The following IGF2R variants were observed in gnomAD, a reference collection of about 807,000 sequenced individuals.
IGF2R encodes the protein insulin like growth factor 2 receptor, also known as cation-independent mannose-6-phosphate receptor.
IGF2R carries 91 observed loss-of-function variants against 270.6 expected under a neutral mutation model. That is an observed-to-expected ratio of 0.34 (90% CI 0.28 to 0.40). IGF2R has a LOEUF of 0.40. Ranked by LOEUF, IGF2R falls within the 10% of genes least tolerant of loss-of-function variation. IGF2R has a pLI of 1.00. For missense variants in IGF2R, 2,805 were observed against 3,188.3 expected (o/e 0.88, Z 2.90); for synonymous variants, 1,316 against 1,258.9 (o/e 1.05, Z -0.96).
intron 18 of IGF2R, among the ~76,000 whole-genome samples, chr6:160,048,755 G>C (rs1778127712): frequency 6.6e-6 from 1 of 152,252 alleles, no homozygotes; most frequent in Non-Finnish European, 1.5e-5. Context: ...GGAGAATGCT[G>C]TGTTGCAGAC....
chr6:160,080,464 A>G (rs976816467), intron 39 of IGF2R, among the ~76,000 whole-genome samples, 189 bp downstream of exon 39: 3 of 152,164 alleles, frequency 2.0e-5, no homozygotes, highest in Admixed American at 6.5e-5. Flanking sequence ...GGGTAACCGT[A>G]TCTACAGACC....
At chr6:160,062,766 G>T in intron 26 of IGF2R, 147 bp downstream of exon 26, 1 of 560,470 alleles carries the variant, frequency 1.8e-6, no homozygotes, top group Non-Finnish European at 3.1e-6. Context: ...TCTTTTCCTT[G>T]AGCTTTTTTT....
chr6:160,064,580 G>C, intron 28 of IGF2R, 49 bp downstream of exon 28: 1 of 1,599,316 alleles, frequency 6.3e-7, no homozygotes. Flanking sequence ...CCACCCTCAG[G>C]CTGCTGGGAT....
chr6:160,079,313 G>A (rs975028061), intron 37 of IGF2R, among the ~76,000 whole-genome samples: 1 of 152,202 alleles, frequency 6.6e-6, no homozygotes, highest in African/African-American at 2.4e-5. Flanking sequence ...GACTGGAGAC[G>A]ACAGCCAGAG....
chr6:160,013,503 A>G (rs1009179251), intron 4 of IGF2R, among the ~76,000 whole-genome samples: 6 of 152,140 alleles, frequency 3.9e-5, no homozygotes, highest in African/African-American at 1.4e-4. Context: ...TTTTCTCAAA[A>G]CAATGACATT....
Position 159,998,574 on chromosome 6 carries a change from A to G in IGF2R, c.289+7251A>G, listed in dbSNP as rs1001955299. On this transcript the variant is annotated intron_variant, in intron 2 of 47. Coordinates refer to ENST00000356956, the MANE Select transcript of IGF2R (RefSeq NM_000876.4). The surrounding 1 kb of genome is among the most constrained non-coding windows in gnomAD (Gnocchi z 4.1). ...GATACCAAAGATAACTAGATGACTA[A>G]AAAGTAACTTACAGGTTAAGATGAT... 6.6e-6 allele frequency among the ~76,000 whole-genome samples: 1 copy of G among 152,220 alleles called. No homozygotes were observed. Among genetic ancestry groups the G allele is most frequent in the African/African-American group, 2.4e-5 (1 of 41,458 alleles).
At chr6:159,980,187 GAAAGA>G (rs1407747173) in intron 1 of IGF2R, among the ~76,000 whole-genome samples, 1 of 23,536 alleles carries the variant, frequency 4.2e-5, no homozygotes, top group Non-Finnish European at 8.1e-5. Context: ...TCTCAAAAAA[GAAAGA>G]AAGAAAGAAA....
rs1470405534 is a variant in IGF2R at position 160,050,811 on chromosome 6, A to G, written c.2694+159A>G. 2.0e-5 allele frequency among the ~76,000 whole-genome samples: 3 copies of G among 152,218 alleles called. No homozygotes were observed. Among genetic ancestry groups the G allele is most frequent in the Non-Finnish European group, 4.4e-5 (3 of 68,044 alleles). On this transcript the variant is annotated intron_variant, in intron 19 of 47. Transcript: ENST00000356956. The surrounding 1 kb of genome is among the most constrained non-coding windows in gnomAD (Gnocchi z 4.0). ...GTGTGCGGTATATATGTTCACAGGCAGGGAGTGATTTGTGGTACCTTCATG... is the reference window on the plus strand; with the variant it reads ...GTGTGCGGTATATATGTTCACAGGCGGGGAGTGATTTGTGGTACCTTCATG...
At chr6:159,995,603 G>A (rs186332985) in intron 2 of IGF2R, among the ~76,000 whole-genome samples, 2 of 152,012 alleles carry the variant, frequency 1.3e-5, no homozygotes, top group Non-Finnish European at 2.9e-5. Flanking sequence ...TTTTCTGCTG[G>A]TCTAGTCTGC....
Position 160,061,859 on chromosome 6 carries a change from T to C in IGF2R, c.3513T>C (p.Tyr1171=), listed in dbSNP as rs778143614. ...AAANGSLSIM[Y]VNGDKCGNQR... ...CGAATGGATCTTTGAGCATCATGTA[T>C]GTCAACGGTGACAAGTGTGGGAACC... Residue 1171 remains tyrosine (Y), a synonymous_variant, in exon 25 of 48, where the codon TAT becomes TAC. Transcript: ENST00000356956. The C allele has an allele frequency of 1.1e-5, 18 of 1,614,086 alleles. No homozygotes were observed. Among genetic ancestry groups the C allele is most frequent in the Non-Finnish European group, 1.5e-5 (18 of 1,180,052 alleles).
intron 10 of IGF2R, among the ~76,000 whole-genome samples, chr6:160,036,480 C>T (rs1777827379): frequency 6.6e-6 from 1 of 152,174 alleles, no homozygotes. Flanking sequence ...GCTCAGGCTG[C>T]TCTGCTGTGG....
intron 4 of IGF2R, among the ~76,000 whole-genome samples, chr6:160,020,210 T>TAA (rs796479684): frequency 1.5e-5 from 2 of 135,642 alleles, no homozygotes; most frequent in African/African-American, 5.4e-5. Flanking sequence ...TTATAATCAC[T>TAA]AAAAAAAAAA....
rs143626715 is a variant in IGF2R, at chr6:160,070,115, G to T, written c.4443+57G>T. ...GCAGCTTTGGGAATTGAGCCCATGT[G>T]CAGGGCGGTGAGCCGCACGTCCTCA... On this transcript the variant is annotated intron_variant, in intron 31 of 47. Transcript: ENST00000356956. 1,559 of 1,541,662 alleles carry T rather than the reference G, an allele frequency of 1.0e-3. 5 individuals are homozygous for T. The African/African-American group carries it at 0.015, about 15-fold the overall frequency.
chr6:160,017,518 A>G (rs751616860), intron 4 of IGF2R, among the ~76,000 whole-genome samples: 16 of 152,230 alleles, frequency 1.1e-4, no homozygotes, highest in Non-Finnish European at 2.2e-4. Context: ...AAAAAATTCT[A>G]AGGAAATATG....
At chr6:160,055,694 G>T (rs906389565) in intron 19 of IGF2R, among the ~76,000 whole-genome samples, 8 of 152,234 alleles carry the variant, frequency 5.3e-5, no homozygotes, top group African/African-American at 1.9e-4. Flanking sequence ...TAACTTCCTT[G>T]TGCCTCAGTT....
intron 43 of IGF2R, among the ~76,000 whole-genome samples, chr6:160,089,630 GCA>G (rs1401395223): frequency 6.6e-6 from 1 of 152,248 alleles, no homozygotes; most frequent in Non-Finnish European, 1.5e-5. Flanking sequence ...TGGCCGAGGT[GCA>G]CAGACAGGGC....
intron 2 of IGF2R, among the ~76,000 whole-genome samples, chr6:160,008,346 G>T (rs1244941294): frequency 6.6e-6 from 1 of 151,990 alleles, no homozygotes; most frequent in Non-Finnish European, 1.5e-5. Flanking sequence ...CATAATCAAA[G>T]TTTAATTCAC....
In IGF2R at chr6:159,976,416, C is replaced by T. The variant is rs527652569; in HGVS notation, c.149+7021C>T. ...ATTATATTTACTAAAGACTTATTTA[C>T]CTTTTTAAAGTCTTTCCAAAAGAAC... is the stretch of plus-strand genomic sequence containing the variant. On this transcript the variant is annotated intron_variant, in intron 1 of 47. Transcript: ENST00000356956. Among the ~76,000 whole-genome samples, 4 of 152,084 alleles carry T rather than the reference C, an allele frequency of 2.6e-5. No individual in the cohort carries two copies. The South Asian group carries it at 8.3e-4, about 32-fold the overall frequency.
At chr6:160,093,827 A>G (rs569008646) in intron 44 of IGF2R, 4 of 731,770 alleles carry the variant, frequency 5.5e-6, no homozygotes, top group Admixed American at 1.8e-5. Flanking sequence ...GGTGCTGTGC[A>G]TGATGGTCCA....
Sources: allele counts gnomAD v4.1 joint callset (sites outside exome capture counted in the v4.1 genomes callset), GRCh38; gene constraint gnomAD v4.1.1; non-coding constraint Gnocchi (gnomAD v3.1); transcripts MANE v1.5; gene names NCBI Gene and HGNC (gene_info 2026-07-23, HGNC 2026-07-21).